NOL10: variants seen among roughly 807,000 people sequenced by gnomAD.
NOL10 encodes the protein nucleolar protein 10, also known as H_NH0074G24.1.
Under a neutral mutation model 103.5 loss-of-function variants are expected in NOL10, and 58 were observed. The ratio of observed to expected loss-of-function variants is 0.56; its 90% CI spans 0.45 to 0.70. The LOEUF is 0.70. Among genes scored for constraint, NOL10 ranks in the 30% least tolerant of loss-of-function variants. The pLI, the probability that NOL10 is intolerant of heterozygous loss-of-function variation, is 0.00. For synonymous variants in NOL10, 287 were observed against 282.5 expected (o/e 1.02, Z -0.16); for missense variants, 763 against 807.3 (o/e 0.95, Z 0.67).
chr2:10,658,873 G>A (rs1303510337), intron 10 of NOL10, among the ~76,000 whole-genome samples: 1 of 152,206 alleles, frequency 6.6e-6, no homozygotes, highest in African/African-American at 2.4e-5. Context: ...GAGCCCAGGA[G>A]TTCAAGACCA....
At chr2:10,585,733 C>T (rs904012955) in intron 19 of NOL10, among the ~76,000 whole-genome samples, 8 of 152,238 alleles carry the variant, frequency 5.3e-5, no homozygotes, top group African/African-American at 1.9e-4. Flanking sequence ...ATAACCTGTG[C>T]ACACCCTCTC....
At chr2:10,593,936 T>C (rs10178587) in intron 17 of NOL10, among the ~76,000 whole-genome samples, 83,064 of 152,078 alleles carry the variant, frequency 0.55, 24,775 homozygotes, top group Non-Finnish European at 0.7. Context: ...ACATGTGCAG[T>C]GTCCTTCCCC....
chr2:10,603,519 G>C (rs1272292170), intron 14 of NOL10, among the ~76,000 whole-genome samples: 1 of 152,142 alleles, frequency 6.6e-6, no homozygotes, highest in East Asian at 1.9e-4. Context: ...GAAATGAGGA[G>C]AAGGGAGAGA....
intron 8 of NOL10, 47 bp downstream of exon 8, chr2:10,667,171 C>CTT: frequency 9.3e-6 from 13 of 1,403,238 alleles, no homozygotes; most frequent in Non-Finnish European, 1.3e-5. Flanking sequence ...AAATTCCAAT[C>CTT]AAATATAAAA....
intron 10 of NOL10, among the ~76,000 whole-genome samples, chr2:10,658,965 C>T (rs1453786338): frequency 6.6e-6 from 1 of 152,106 alleles, no homozygotes; most frequent in Non-Finnish European, 1.5e-5. Context: ...TATCCCACTG[C>T]AGCTCTAAGT....
At chr2:10,641,531 G>C (rs1206735042) in intron 13 of NOL10, among the ~76,000 whole-genome samples, 1 of 152,128 alleles carries the variant, frequency 6.6e-6, no homozygotes, top group Non-Finnish European at 1.5e-5. Flanking sequence ...TTGTTTGCAT[G>C]AACAAAAAAG....
chr2:10,638,770 C>T (rs1160958677), intron 13 of NOL10, among the ~76,000 whole-genome samples: 1 of 132,606 alleles, frequency 7.5e-6, no homozygotes, highest in Non-Finnish European at 1.6e-5. Flanking sequence ...GGATTACAGG[C>T]GTTTGAGCCA....
At chr2:10,684,004 C>T (rs1172744159) in intron 2 of NOL10, among the ~76,000 whole-genome samples, 2 of 152,114 alleles carry the variant, frequency 1.3e-5, no homozygotes, top group African/African-American at 2.4e-5. Context: ...GGCGGCCGGA[C>T]GCGGTGGCTC....
rs1274297840 is a variant in NOL10 at position 10,689,926 on chromosome 2, C to A, written c.-65G>T. ...ACCAGCGTGCTCGAGCACCGTAATC[C>A]CGGGACCTCCGAGCCCCTGCTCCGC... is the stretch of plus-strand genomic sequence containing the variant. On this transcript the variant is annotated 5_prime_UTR_variant, in exon 1 of 21. Transcript: ENST00000381685. The A allele has an allele frequency of 1.4e-6, 2 of 1,472,272 alleles. No individual in the cohort carries two copies. Among genetic ancestry groups the A allele is most frequent in the Admixed American group, 3.9e-5 (2 of 51,068 alleles). The allele number at this position is 1,472,272 out of a possible 1,614,324, so 91.2% of individuals were successfully genotyped here.
intron 16 of NOL10, among the ~76,000 whole-genome samples, chr2:10,602,453 A>G (rs1301197395): frequency 6.6e-6 from 1 of 152,236 alleles, no homozygotes; most frequent in African/African-American, 2.4e-5. Flanking sequence ...AGGGATTAGC[A>G]AAGCCCGGAT....
intron 13 of NOL10, among the ~76,000 whole-genome samples, chr2:10,623,362 G>T (rs1443256096): frequency 6.6e-6 from 1 of 152,104 alleles, no homozygotes; most frequent in Non-Finnish European, 1.5e-5. Context: ...GGGCTCGTGG[G>T]TCTTACTTCA....
intron 17 of NOL10, among the ~76,000 whole-genome samples, chr2:10,595,220 T>C (rs1675611759): frequency 1.3e-5 from 2 of 151,334 alleles, no homozygotes. Flanking sequence ...AAAGTGGTTG[T>C]CTGAGAAGAG....
rs1390595798 is a variant in NOL10 at position 10,687,814 on chromosome 2, G to A, written c.66+1982C>T. On this transcript the variant is annotated intron_variant, in intron 1 of 20. Coordinates refer to ENST00000381685, the MANE Select transcript of NOL10 (RefSeq NM_024894.4). ...ACTAAAAATACAAAAATTAGCTGGTGTGGTGGCACGTGCCTGTAGTCCCAG... is the reference window on the plus strand; with the variant it reads ...ACTAAAAATACAAAAATTAGCTGGTATGGTGGCACGTGCCTGTAGTCCCAG... Among the ~76,000 whole-genome samples the A allele has an allele frequency of 1.3e-5, 2 of 152,140 alleles. 1 individual carries two copies. Among genetic ancestry groups the A allele is most frequent in the African/African-American group, 4.8e-5 (2 of 41,438 alleles).
intron 19 of NOL10, among the ~76,000 whole-genome samples, chr2:10,580,382 G>A (rs1370020672): frequency 6.1e-4 from 16 of 26,116 alleles, no homozygotes; most frequent in African/African-American, 1.8e-3. Context: ...TCCCTGCCCC[G>A]CCCCTGCTTC....
intron 13 of NOL10, among the ~76,000 whole-genome samples, chr2:10,627,243 T>G (rs1451025570): frequency 6.6e-6 from 1 of 152,214 alleles, no homozygotes; most frequent in African/African-American, 2.4e-5. Context: ...CTCCACACTT[T>G]TTCCCCATAA....
chr2:10,588,956 G>A, intron 19 of NOL10, 87 bp downstream of exon 19: 1 of 1,543,614 alleles, frequency 6.5e-7, no homozygotes, highest in Non-Finnish European at 8.7e-7. Flanking sequence ...TCCAAAGACA[G>A]AAATGTCATC....
intron 12 of NOL10, among the ~76,000 whole-genome samples, chr2:10,647,566 G>C (rs1204175695): frequency 6.6e-6 from 1 of 152,190 alleles, no homozygotes; most frequent in Non-Finnish European, 1.5e-5. Flanking sequence ...TTCACCACAC[G>C]TGTTGGGAAG....
chr2:10,633,462 A>G (rs1677974049), intron 13 of NOL10, among the ~76,000 whole-genome samples: 1 of 151,362 alleles, frequency 6.6e-6, no homozygotes, highest in Admixed American at 6.6e-5. Flanking sequence ...TTGATATATT[A>G]TTAATATACA....
chr2:10,615,789 C>T (rs143402141), intron 13 of NOL10, among the ~76,000 whole-genome samples: 306 of 152,124 alleles, frequency 2.0e-3, no homozygotes, highest in African/African-American at 7.1e-3. Context: ...GGCACAGGCC[C>T]GAATAAAGGG....
Sources: gnomAD v4.1 joint callset for allele counts (sites outside exome capture counted in the v4.1 genomes callset) on GRCh38, gnomAD v4.1.1 for gene constraint, MANE v1.5 for transcripts, NCBI Gene and HGNC (gene_info 2026-07-23, HGNC 2026-07-21) for gene names.